EYS: variants seen among roughly 807,000 people sequenced by gnomAD.
EYS encodes EGF-like photoreceptor maintenance factor.
A neutral mutation model predicts 282.1 loss-of-function variants in EYS; 250 were observed. The ratio of observed to expected loss-of-function variants is 0.89; its 90% CI spans 0.80 to 0.98. The LOEUF (loss-of-function observed/expected upper bound fraction) is 0.98. EYS is among the 50% of genes least tolerant of loss of function. EYS has a pLI of 0.00. For synonymous variants in EYS, 1,355 were observed against 1,282.9 expected, an observed-to-expected ratio of 1.06 and a Z score of -1.20; for missense variants, 4,016 against 3,709.0, an observed-to-expected ratio of 1.08 and a Z score of -2.15.
intron 8 of EYS, among the ~76,000 whole-genome samples, chr6:65,371,902 C>T (rs1222073190): frequency 6.6e-6 from 1 of 151,232 alleles, no homozygotes; most frequent in African/African-American, 2.4e-5. Context: ...TAATCCTACC[C>T]GAATGCAAAT....
chr6:63,763,232 A>G (rs140987476), intron 40 of EYS, among the ~76,000 whole-genome samples: 3 of 152,152 alleles, frequency 2.0e-5, no homozygotes, highest in Non-Finnish European at 4.4e-5. Flanking sequence ...GTTTCTGGCT[A>G]GAGCAGAAGC....
At chr6:64,089,016 A>T (rs1487641090) in intron 31 of EYS, among the ~76,000 whole-genome samples, 2 of 151,984 alleles carry the variant, frequency 1.3e-5, no homozygotes, top group African/African-American at 2.4e-5. Context: ...TTATAATGGA[A>T]ATAGATTTGA....
At position 63,769,204 on chromosome 6, in the gene EYS, C is replaced by T. The variant is rs978671991; in HGVS notation, c.7899-6571G>A. On this transcript the variant is annotated intron_variant, in intron 40 of 42. Transcript: ENST00000503581. ...CTTACGTAACAAACCTGCACATGGA[C>T]ACCCTGAACCTAAAAGAAAAGTTGA... 1.5e-4 allele frequency among the ~76,000 whole-genome samples: 23 copies of T among 152,026 alleles called. 1 individual carries two copies. The highest frequency in any genetic ancestry group is 3.4e-3 in the Middle Eastern group (1 of 294).
At chr6:64,673,439 C>A (rs1378370743) in intron 22 of EYS, among the ~76,000 whole-genome samples, 1 of 152,098 alleles carries the variant, frequency 6.6e-6, no homozygotes, top group African/African-American at 2.4e-5. Flanking sequence ...TTATCTCATT[C>A]TTTGCCCTTA....
intron 12 of EYS, among the ~76,000 whole-genome samples, chr6:65,176,306 G>C (rs144281133): frequency 1.3e-5 from 2 of 151,488 alleles, no homozygotes; most frequent in African/African-American, 4.8e-5. Context: ...GTTATGCATA[G>C]CTAAATGTAT....
intron 26 of EYS, among the ~76,000 whole-genome samples, chr6:64,499,672 T>C (rs192430999): frequency 4.1e-4 from 63 of 152,138 alleles, no homozygotes; most frequent in Non-Finnish European, 6.8e-4. Flanking sequence ...TTAAAGCTCT[T>C]AGTACCTCCT....
intron 12 of EYS, among the ~76,000 whole-genome samples, chr6:65,084,413 C>T (rs1774308431): frequency 6.6e-6 from 1 of 152,118 alleles, no homozygotes; most frequent in Non-Finnish European, 1.5e-5. Context: ...ATCTGTTTCA[C>T]TCAAATTGCC....
At chr6:64,995,645 G>A (rs1222934305) in intron 14 of EYS, among the ~76,000 whole-genome samples, 1 of 151,960 alleles carries the variant, frequency 6.6e-6, no homozygotes, top group Non-Finnish European at 1.5e-5. Flanking sequence ...GTCTCCTTAT[G>A]TTAAAATATA....
chr6:65,611,159 T>G (rs1262427400), intron 2 of EYS, among the ~76,000 whole-genome samples: 1 of 149,206 alleles, frequency 6.7e-6, no homozygotes, highest in Non-Finnish European at 1.5e-5. Flanking sequence ...AATAACCGTG[T>G]GGGTATAATT....
intron 33 of EYS, among the ~76,000 whole-genome samples, chr6:64,044,145 T>C (rs1428182646): frequency 1.3e-5 from 2 of 152,344 alleles, no homozygotes; most frequent in African/African-American, 4.8e-5. Context: ...TGTTCAACGG[T>C]CTTTTCAGCA....
intron 1 of EYS, among the ~76,000 whole-genome samples, chr6:65,677,089 T>C (rs1768634060): frequency 7.2e-6 from 1 of 138,750 alleles, no homozygotes; most frequent in South Asian, 2.3e-4. Context: ...CCCATAGCTT[T>C]ATCACAGTCA....
chr6:64,823,282 A>G (rs1764953090), intron 19 of EYS, among the ~76,000 whole-genome samples: 1 of 151,866 alleles, frequency 6.6e-6, no homozygotes, highest in African/African-American at 2.4e-5. Context: ...AACTTTGGCT[A>G]AATACCTGGG....
intron 36 of EYS, chr6:63,857,803 G>A (rs2149706649): frequency 5.0e-6 from 1 of 201,492 alleles, no homozygotes; most frequent in Admixed American, 4.9e-5. Context: ...GAATAATAAG[G>A]AGGATACACA....
chr6:65,489,583 C>T (rs1175551473), intron 5 of EYS: 1 of 152,128 alleles, frequency 6.6e-6, no homozygotes, highest in African/African-American at 2.4e-5. Context: ...CCTCAAGGAT[C>T]TAGAACTAGA....
At chr6:64,722,966 C>T (rs1454061201) in intron 22 of EYS, among the ~76,000 whole-genome samples, 1 of 151,904 alleles carries the variant, frequency 6.6e-6, no homozygotes, top group Non-Finnish European at 1.5e-5. Flanking sequence ...TTGTCCTTCA[C>T]ATTCTTAATA....
chr6:63,725,178 A>G (rs918150688), intron 42 of EYS, among the ~76,000 whole-genome samples: 1 of 152,142 alleles, frequency 6.6e-6, no homozygotes, highest in Admixed American at 6.5e-5. Context: ...TGTGAAACTA[A>G]TGAATCTCTG....
At chr6:64,644,923 C>A (rs1393745484) in intron 22 of EYS, among the ~76,000 whole-genome samples, 1 of 152,160 alleles carries the variant, frequency 6.6e-6, no homozygotes, top group Non-Finnish European at 1.5e-5. Flanking sequence ...GCAGCATCAG[C>A]ATGTCAGCTT....
intron 12 of EYS, among the ~76,000 whole-genome samples, chr6:65,074,726 T>C (rs1383298186): frequency 1.3e-5 from 2 of 151,970 alleles, no homozygotes; most frequent in Non-Finnish European, 2.9e-5. Flanking sequence ...TGGGGCCAAG[T>C]AACATTTTGA....
intron 35 of EYS, among the ~76,000 whole-genome samples, chr6:63,945,333 C>T (rs1320066951): frequency 6.6e-6 from 1 of 152,074 alleles, no homozygotes; most frequent in African/African-American, 2.4e-5. Context: ...ACGAGAATAG[C>T]ATGGGGGAAA....
Sources: allele counts gnomAD v4.1 joint callset (sites outside exome capture counted in the v4.1 genomes callset), GRCh38; gene constraint gnomAD v4.1.1; transcripts MANE v1.5; gene names NCBI Gene and HGNC (gene_info 2026-07-23, HGNC 2026-07-21).